Variants in FCHSD2 observed in about 807,000 individuals in gnomAD.
FCHSD2 encodes F-BAR and double SH3 domains protein 2.
Under a neutral mutation model 108.1 loss-of-function variants are expected in FCHSD2, and 38 were observed. That is an observed-to-expected ratio of 0.35 (90% CI 0.27 to 0.46). FCHSD2 has a LOEUF of 0.46. FCHSD2 is among the 20% of genes least tolerant of loss of function. The pLI, the probability that FCHSD2 is intolerant of heterozygous loss-of-function variation, is 1.00. For synonymous variants in FCHSD2, 279 were observed against 314.7 expected (o/e 0.89, Z 1.20); for missense variants, 751 against 897.8 (o/e 0.84, Z 2.09).
At chr11:73,035,765 G>T (rs1858480866) in intron 3 of FCHSD2, among the ~76,000 whole-genome samples, 1 of 151,112 alleles carries the variant, frequency 6.6e-6, no homozygotes, top group African/African-American at 2.4e-5. Flanking sequence ...TCTGTCACCA[G>T]GCTGGAGTAC....
chr11:72,984,312 A>G, intron 7 of FCHSD2, 96 bp from the exon 8 acceptor site: 1 of 1,140,150 alleles, frequency 8.8e-7, no homozygotes, highest in East Asian at 2.4e-5. Flanking sequence ...ATGGCTCCCC[A>G]ACAAGAATAA....
At chr11:72,874,824 T>C (rs1288267444) in intron 12 of FCHSD2, among the ~76,000 whole-genome samples, 1 of 152,212 alleles carries the variant, frequency 6.6e-6, no homozygotes, top group Non-Finnish European at 1.5e-5. Context: ...TTTCTAGTGT[T>C]TTCAAATGAA....
At chr11:73,096,987 A>ATTTTGTTTTT (rs1860096859) in intron 2 of FCHSD2, among the ~76,000 whole-genome samples, 1 of 27,020 alleles carries the variant, frequency 3.7e-5, no homozygotes, top group Non-Finnish European at 5.6e-5. Context: ...TCATTGATGG[A>ATTTTGTTTTT]TTTTTTTTTT....
At chr11:72,984,911 T>G in intron 7 of FCHSD2, 151 bp downstream of exon 7, 1 of 508,102 alleles carries the variant, frequency 2.0e-6, no homozygotes, top group Non-Finnish European at 3.6e-6. Flanking sequence ...AAAACCCCCA[T>G]GAACTGGGAG....
intron 5 of FCHSD2, among the ~76,000 whole-genome samples, chr11:72,989,492 G>A (rs1403527038): frequency 1.3e-5 from 2 of 152,060 alleles, no homozygotes; most frequent in Non-Finnish European, 2.9e-5. Flanking sequence ...TTTATGTTTG[G>A]GTAACCGACA....
At position 72,925,037 on chromosome 11, in the gene FCHSD2, G is replaced by A. The variant is rs539796980; in HGVS notation, c.706-3087C>T. ...TGGAGTATTTTGAGTTCAGCAAATG[G>A]TAATACAGGCATCATGAGCTCAAAA... On this transcript the variant is annotated intron_variant, in intron 8 of 19. Transcript: ENST00000409418. Among the ~76,000 whole-genome samples the A allele has an allele frequency of 7.9e-4, 120 of 151,924 alleles. 1 individual carries two copies. The highest frequency in any genetic ancestry group is 2.9e-3 in the African/African-American group (119 of 41,436).
chr11:72,859,287 A>G (rs1861510309), intron 13 of FCHSD2, among the ~76,000 whole-genome samples: 2 of 152,280 alleles, frequency 1.3e-5, no homozygotes, highest in South Asian at 2.1e-4. Context: ...GTCTCCCCAG[A>G]TGTGAATCAC....
intron 3 of FCHSD2, among the ~76,000 whole-genome samples, chr11:73,058,081 G>A (rs1235610288): frequency 2.0e-5 from 3 of 151,934 alleles, no homozygotes; most frequent in African/African-American, 2.4e-5. Context: ...GGGTTTCACC[G>A]TGTTAGCCAG....
rs538149213 is a variant in FCHSD2, at chr11:72,945,668, T to A, written c.706-23718A>T. On this transcript the variant is annotated intron_variant, in intron 8 of 19. Coordinates refer to ENST00000409418, the MANE Select transcript of FCHSD2 (RefSeq NM_014824.3). ...CTACTCATCTGACAAAGGGCTAATA[T>A]CTAGAATCTACAATGAACTCAAACA... 4.9e-3 allele frequency among the ~76,000 whole-genome samples: 740 copies of A among 152,160 alleles called. 4 individuals carry two copies. Among genetic ancestry groups the A allele is most frequent in the African/African-American group, 0.017 (708 of 41,484 alleles).
At chr11:72,988,021 C>T (rs937520953) in intron 6 of FCHSD2, among the ~76,000 whole-genome samples, 1 of 152,144 alleles carries the variant, frequency 6.6e-6, no homozygotes, top group Non-Finnish European at 1.5e-5. Flanking sequence ...ACTTACCAGC[C>T]CTTGATAAAC....
intron 19 of FCHSD2, among the ~76,000 whole-genome samples, chr11:72,839,503 C>T (rs899079857): frequency 2.0e-5 from 3 of 152,044 alleles, no homozygotes; most frequent in Non-Finnish European, 4.4e-5. Flanking sequence ...ATAGCCCAAA[C>T]GAGGGTACTG....
At chr11:72,987,111 C>CT (rs1369978604) in intron 6 of FCHSD2, among the ~76,000 whole-genome samples, 29 of 152,138 alleles carry the variant, frequency 1.9e-4, no homozygotes, top group African/African-American at 7.0e-4. Context: ...TCATCATCTC[C>CT]TTCAAATTGT....
chr11:72,894,375 G>A (rs1591376017), intron 10 of FCHSD2, among the ~76,000 whole-genome samples: 2 of 151,968 alleles, frequency 1.3e-5, no homozygotes, highest in South Asian at 4.1e-4. Flanking sequence ...CTAGACCCCA[G>A]CTCTTAAAAA....
At chr11:72,948,900 C>T (rs1856570521) in intron 8 of FCHSD2, among the ~76,000 whole-genome samples, 2 of 151,588 alleles carry the variant, frequency 1.3e-5, no homozygotes, top group East Asian at 2.0e-4. Flanking sequence ...CTCCTGACCT[C>T]GTGATCTGCC....
chr11:73,056,170 T>C (rs1425016621), intron 3 of FCHSD2, among the ~76,000 whole-genome samples: 1 of 152,234 alleles, frequency 6.6e-6, no homozygotes, highest in African/African-American at 2.4e-5. Context: ...ATGTCCATTA[T>C]ACATTAATAG....
intron 2 of FCHSD2, among the ~76,000 whole-genome samples, chr11:73,126,308 C>G (rs1860855154): frequency 8.0e-6 from 1 of 125,396 alleles, no homozygotes; most frequent in South Asian, 2.6e-4. Flanking sequence ...CCACTGCACT[C>G]CAGCCTGGGC....
intron 8 of FCHSD2, among the ~76,000 whole-genome samples, chr11:72,926,953 G>A (rs917248058): frequency 1.3e-5 from 2 of 152,188 alleles, no homozygotes; most frequent in African/African-American, 4.8e-5. Context: ...TGCACTAGTA[G>A]TACCTAACTA....
At chr11:73,119,030 G>A (rs1860670415) in intron 2 of FCHSD2, among the ~76,000 whole-genome samples, 2 of 152,076 alleles carry the variant, frequency 1.3e-5, no homozygotes, top group African/African-American at 2.4e-5. Context: ...GGCCAGGCGC[G>A]GTGACTCACG....
intron 2 of FCHSD2, among the ~76,000 whole-genome samples, chr11:73,134,352 C>T (rs982017694): frequency 6.6e-6 from 1 of 152,044 alleles, no homozygotes; most frequent in Non-Finnish European, 1.5e-5. Flanking sequence ...TGCCTGTGGT[C>T]CCAGCTACTC....
Sources: allele counts gnomAD v4.1 joint callset (sites outside exome capture counted in the v4.1 genomes callset), GRCh38; gene constraint gnomAD v4.1.1; transcripts MANE v1.5; gene names NCBI Gene and HGNC (gene_info 2026-07-23, HGNC 2026-07-21).